Variants in OSBP2 observed in about 807,000 individuals in gnomAD.
OSBP2 encodes oxysterol binding protein 2.
Under a neutral mutation model 96.0 loss-of-function variants are expected in OSBP2, and 66 were observed. The observed-to-expected ratio is 0.69, with a 90% CI of 0.56 to 0.84. The LOEUF is 0.84. Ranked by LOEUF, OSBP2 falls within the 40% of genes least tolerant of loss-of-function variation. The pLI, the probability that OSBP2 is intolerant of heterozygous loss-of-function variation, is 0.00. For missense variants in OSBP2, 1,038 were observed against 1,222.7 expected, an observed-to-expected ratio of 0.85 and a Z score of 2.25; for synonymous variants, 525 against 520.9, an observed-to-expected ratio of 1.01 and a Z score of -0.11.
At chr22:30,724,952 TCA>T (rs1227517989) in intron 1 of OSBP2, among the ~76,000 whole-genome samples, 1 of 151,312 alleles carries the variant, frequency 6.6e-6, no homozygotes, top group African/African-American at 2.4e-5. Flanking sequence ...GGCGGGTGGA[TCA>T]CGAGGTCAGG....
chr22:30,858,640 A>G (rs1319690358), intron 2 of OSBP2, among the ~76,000 whole-genome samples: 1 of 151,144 alleles, frequency 6.6e-6, no homozygotes, highest in African/African-American at 2.4e-5. Flanking sequence ...GTACTTTGGG[A>G]GGCTGAGGCG....
At chr22:30,887,696 C>T (rs1231493103) in intron 4 of OSBP2, 78 bp downstream of exon 4, 1 of 1,245,336 alleles carries the variant, frequency 8.0e-7, no homozygotes, top group South Asian at 1.4e-5. Context: ...TGCGCCCCCA[C>T]ATGCACATCC....
intron 2 of OSBP2, among the ~76,000 whole-genome samples, chr22:30,859,081 G>T (rs2039152164): frequency 6.6e-6 from 1 of 151,936 alleles, no homozygotes; most frequent in Non-Finnish European, 1.5e-5. Context: ...TCCCCGCCAG[G>T]GCCCTCTGTC....
At chr22:30,905,811 C>G in intron 12 of OSBP2, 26 bp from the exon 13 acceptor site, 2 of 1,609,286 alleles carry the variant, frequency 1.2e-6, no homozygotes, top group South Asian at 2.2e-5. Flanking sequence ...CCGCAGCCAC[C>G]GCCACCGCCA....
chr22:30,846,693 G>T (rs1439677727), intron 2 of OSBP2, among the ~76,000 whole-genome samples: 1 of 151,786 alleles, frequency 6.6e-6, no homozygotes, highest in Non-Finnish European at 1.5e-5. Flanking sequence ...GAAGATATCT[G>T]TGTATCTACT....
At chr22:30,898,632 A>AACTC (rs1484220329) in intron 12 of OSBP2, among the ~76,000 whole-genome samples, 1 of 152,002 alleles carries the variant, frequency 6.6e-6, no homozygotes, top group Non-Finnish European at 1.5e-5. Flanking sequence ...ATCTAGTGAG[A>AACTC]ACTCACTCAC....
chr22:30,702,693 C>A (rs1392996027), intron 1 of OSBP2, among the ~76,000 whole-genome samples: 1 of 152,206 alleles, frequency 6.6e-6, no homozygotes, highest in African/African-American at 2.4e-5. Flanking sequence ...TATTGAATTT[C>A]TCCTGTTTGA....
At chr22:30,887,908 G>C (rs2039851456) in intron 4 of OSBP2, among the ~76,000 whole-genome samples, 1 of 152,258 alleles carries the variant, frequency 6.6e-6, no homozygotes, top group Non-Finnish European at 1.5e-5. Flanking sequence ...CTAGCCTTGG[G>C]TTGGGGGTCA....
Position 30,889,228 on chromosome 22 carries a change from A to G in OSBP2, c.1470A>G (p.Ala490=). 6.2e-7 allele frequency: 1 copy of G among 1,613,134 alleles called. No individual in the cohort carries two copies. Among genetic ancestry groups the G allele is most frequent in the Non-Finnish European group, 8.5e-7 (1 of 1,179,830 alleles). The change falls in exon 6 of 14, where the codon GCA becomes GCG. Residue 490 remains alanine, a synonymous_variant. Coordinates refer to ENST00000332585, the MANE Select transcript of OSBP2 (RefSeq NM_030758.4). ...TGTSSVDWSS[A]DNVLDGASLV... ...CAAGTTCCGTGGACTGGAGCTCAGCAGACAATGTAAGTGAGGGGGAGCACT... is the reference window on the plus strand; with the variant it reads ...CAAGTTCCGTGGACTGGAGCTCAGCGGACAATGTAAGTGAGGGGGAGCACT...
intron 2 of OSBP2, among the ~76,000 whole-genome samples, chr22:30,865,181 C>T (rs939774348): frequency 1.3e-5 from 2 of 152,164 alleles, no homozygotes; most frequent in Non-Finnish European, 2.9e-5. Flanking sequence ...TAGAGGGGTC[C>T]CAGCCCTGAG....
At chr22:30,801,282 A>G (rs1234141461) in intron 2 of OSBP2, among the ~76,000 whole-genome samples, 1 of 152,234 alleles carries the variant, frequency 6.6e-6, no homozygotes, top group African/African-American at 2.4e-5. Context: ...AAGAGAAGAA[A>G]GAAAAATAAG....
intron 2 of OSBP2, among the ~76,000 whole-genome samples, chr22:30,821,338 G>GT (rs1446375185): frequency 6.6e-6 from 1 of 152,214 alleles, no homozygotes; most frequent in Admixed American, 6.5e-5. Flanking sequence ...GGGAGATTGT[G>GT]TAAGAGTCCA....
intron 2 of OSBP2, among the ~76,000 whole-genome samples, chr22:30,773,433 A>G (rs1369529989): frequency 3.3e-5 from 5 of 152,154 alleles, no homozygotes; most frequent in Non-Finnish European, 5.9e-5. Flanking sequence ...CAACTCCTTC[A>G]TAGCACCCAC....
intron 1 of OSBP2, among the ~76,000 whole-genome samples, chr22:30,699,611 C>T (rs935109877): frequency 3.9e-5 from 6 of 152,142 alleles, no homozygotes; most frequent in Non-Finnish European, 7.3e-5. Flanking sequence ...GAACTGTGAT[C>T]GCTCATTGTA....
At chr22:30,730,913 G>A (rs1221876417) in intron 1 of OSBP2, among the ~76,000 whole-genome samples, 3 of 148,954 alleles carry the variant, frequency 2.0e-5, no homozygotes, top group South Asian at 2.1e-4. Flanking sequence ...GGTGCCTCAC[G>A]CCTGTAATCC....
intron 1 of OSBP2, among the ~76,000 whole-genome samples, chr22:30,718,259 G>A (rs953858288): frequency 6.6e-6 from 1 of 152,168 alleles, no homozygotes; most frequent in African/African-American, 2.4e-5. Context: ...CAAAAGTTGT[G>A]CACTTAAAAT....
At chr22:30,880,507 G>A (rs2039680264) in intron 3 of OSBP2, among the ~76,000 whole-genome samples, 2 of 152,210 alleles carry the variant, frequency 1.3e-5, no homozygotes, top group East Asian at 1.9e-4. Context: ...TCCTCCGTGA[G>A]CCCAGTGGCT....
intron 2 of OSBP2, among the ~76,000 whole-genome samples, chr22:30,841,409 C>T (rs1410042184): frequency 6.6e-6 from 1 of 152,104 alleles, no homozygotes; most frequent in African/African-American, 2.4e-5. Context: ...ACAAATGAAA[C>T]CACATAATGT....
At chr22:30,717,090 T>TGTGTG (rs1555907469) in intron 1 of OSBP2, among the ~76,000 whole-genome samples, 18 of 118,412 alleles carry the variant, frequency 1.5e-4, no homozygotes, top group Admixed American at 6.7e-4. Context: ...TTTACTGTTT[T>TGTGTG]TGTGTGTGTG....
Sources: gnomAD v4.1 joint callset for allele counts (sites outside exome capture counted in the v4.1 genomes callset) on GRCh38, gnomAD v4.1.1 for gene constraint, MANE v1.5 for transcripts, NCBI Gene and HGNC (gene_info 2026-07-23, HGNC 2026-07-21) for gene names.